Variants in FDFT1 observed in about 807,000 individuals in gnomAD.
The protein encoded by FDFT1 is farnesyl-diphosphate farnesyltransferase 1.
FDFT1 carries 68 observed loss-of-function variants against 46.8 expected under a neutral mutation model. That is an observed-to-expected ratio of 1.45 (90% CI 1.19 to 1.78). The LOEUF is 1.78. FDFT1 is among the 40% of genes most tolerant of loss of function. The pLI is 0.00. For synonymous variants in FDFT1, 351 were observed against 185.1 expected, an observed-to-expected ratio of 1.90 and a Z score of -7.28; for missense variants, 928 against 524.4, an observed-to-expected ratio of 1.77 and a Z score of -7.52.
At chr8:11,797,443 G>C (rs2686188), upstream of FDFT1, among the ~76,000 whole-genome samples, 132,252 of 152,020 alleles carry the variant, frequency 0.87, 58,179 homozygotes, top group East Asian at 1. Context: ...AGCTCCTTGG[G>C]TGTGGAACCT....
chr8:11,807,045 C>G (rs1320475964), intron 1 of FDFT1, among the ~76,000 whole-genome samples: 2 of 151,844 alleles, frequency 1.3e-5, no homozygotes, highest in African/African-American at 4.8e-5. Context: ...CAACATAGTT[C>G]ACTTAAACCT....
intron 1 of FDFT1, among the ~76,000 whole-genome samples, chr8:11,796,503 G>C (rs1338833501): frequency 6.6e-6 from 1 of 152,196 alleles, no homozygotes; most frequent in Non-Finnish European, 1.5e-5. Context: ...TCTTGATTCG[G>C]AGCTTGCTGT....
intron 3 of FDFT1, among the ~76,000 whole-genome samples, chr8:11,812,555 T>G (rs1415315222): frequency 6.6e-6 from 1 of 152,246 alleles, no homozygotes; most frequent in African/African-American, 2.4e-5. Context: ...GACTAAGAAT[T>G]CTAAATTCAA....
chr8:11,808,994 C>A, intron 2 of FDFT1, 103 bp downstream of exon 2: 1 of 1,500,430 alleles, frequency 6.7e-7, no homozygotes, highest in Non-Finnish European at 9.0e-7. Context: ...GTTGCAGCCT[C>A]GTTGCTGTGG....
intron 3 of FDFT1, among the ~76,000 whole-genome samples, chr8:11,818,747 C>G (rs1160110332): frequency 1.3e-5 from 2 of 152,004 alleles, no homozygotes; most frequent in African/African-American, 2.4e-5. Flanking sequence ...CTATGTGCAT[C>G]TCTGCACGTG....
intron 7 of FDFT1, among the ~76,000 whole-genome samples, chr8:11,835,482 A>G (rs780983064): frequency 2.6e-5 from 4 of 152,214 alleles, no homozygotes; most frequent in Non-Finnish European, 5.9e-5. Context: ...GGGGACTGTC[A>G]CAACCAAGAT....
At chr8:11,816,089 A>C (rs559466827) in intron 3 of FDFT1, among the ~76,000 whole-genome samples, 1 of 152,200 alleles carries the variant, frequency 6.6e-6, no homozygotes, top group African/African-American at 2.4e-5. Context: ...TACATATGGC[A>C]AGCCAGGTTT....
chr8:11,813,914 G>T lies in FDFT1; in HGVS notation c.381+4064G>T, dbSNP rs1808083290. On this transcript the variant is annotated intron_variant, in intron 3 of 7. Transcript: ENST00000220584. ...GTCAGGAAAGCCCTGTCCATCCTCTGGGTTTCTGGGGAAAACGTGGACCCC... is the reference window on the plus strand; with the variant it reads ...GTCAGGAAAGCCCTGTCCATCCTCTTGGTTTCTGGGGAAAACGTGGACCCC... Among the ~76,000 whole-genome samples the T allele has an allele frequency of 2.0e-5, 3 of 152,148 alleles. No homozygotes were observed. The South Asian group carries it at 6.2e-4, about 32-fold the overall frequency.
chr8:11,814,700 A>T (rs900704519), intron 3 of FDFT1, among the ~76,000 whole-genome samples: 1 of 152,246 alleles, frequency 6.6e-6, no homozygotes, highest in Non-Finnish European at 1.5e-5. Flanking sequence ...TGGAAAAAGT[A>T]TTGGGCAGCA....
chr8:11,835,712 A>C (rs953728635), intron 7 of FDFT1, among the ~76,000 whole-genome samples: 1 of 152,192 alleles, frequency 6.6e-6, no homozygotes, highest in Non-Finnish European at 1.5e-5. Flanking sequence ...AAAATGAAGA[A>C]ATAAAGTCAT....
chr8:11,814,397 C>T (rs577832563), intron 3 of FDFT1, among the ~76,000 whole-genome samples: 31 of 151,450 alleles, frequency 2.0e-4, no homozygotes, highest in South Asian at 1.0e-3. Flanking sequence ...TGCAATCAGC[C>T]GGCCACCTGG....
In FDFT1 at chr8:11,838,417, A is replaced by C; in HGVS notation, c.1062A>C (p.Pro354=). 6.2e-7 allele frequency: 1 copy of C among 1,613,352 alleles called. No homozygotes were observed. Among genetic ancestry groups the C allele is most frequent in the Non-Finnish European group, 8.5e-7 (1 of 1,179,710 alleles). ...ATCATAGAATCCCCGACTCAGACCC[A>C]TCTTCTAGCAAAACAAGGCAGATCA... ...EIYHRIPDSD[P]SSSKTRQIIS... is the part of the protein sequence containing the mutation. Residue 354 remains proline (P), a synonymous_variant, in exon 8 of 8, where the codon CCA becomes CCC. Transcript: ENST00000220584.
In FDFT1 at chr8:11,809,695, CTCCGA is replaced by C; in HGVS notation, c.227_231del (p.Leu76ArgfsTer8). On this transcript the variant is annotated frameshift_variant, in exon 3 of 8. Transcript: ENST00000220584. LOFTEE classifies it high-confidence loss of function. ...CGCAGTGTGCATATTTTATCTGGTT[CTCCGA>C]GCTCTGGACACACTGGAAGATGACA... The C allele has an allele frequency of 1.2e-6, 2 of 1,613,350 alleles. No individual in the cohort carries two copies. The highest frequency in any genetic ancestry group is 1.7e-6 in the Non-Finnish European group (2 of 1,179,712).
At chr8:11,833,736 G>C (rs1047833106) in intron 7 of FDFT1, among the ~76,000 whole-genome samples, 5 of 152,162 alleles carry the variant, frequency 3.3e-5, no homozygotes, top group African/African-American at 1.2e-4. Flanking sequence ...CGGCCGAGTT[G>C]AGGAGCTGCA....
chr8:11,826,168 G>A lies in FDFT1; in HGVS notation c.655G>A (p.Asp219Asn). 1 of 1,593,594 alleles carries A rather than the reference G, an allele frequency of 6.3e-7. No homozygotes were observed. Among genetic ancestry groups the A allele is most frequent in the Non-Finnish European group, 8.6e-7 (1 of 1,164,752 alleles). The change falls in exon 5 of 8, where the codon GAC (aspartate) becomes AAC (asparagine). Residue 219 changes from aspartate (D) to asparagine (N), a missense_variant. Coordinates refer to ENST00000220584, the MANE Select transcript of FDFT1 (RefSeq NM_004462.5). ...LFLQKTNIIR[D>N]YLEDQQGGRE... is the part of the protein sequence containing the mutation. ...TTTGCAGAAAACAAACATCATCCGTGACTATCTGGAAGACCAGCAAGGAGG... is the reference window on the plus strand; with the variant it reads ...TTTGCAGAAAACAAACATCATCCGTAACTATCTGGAAGACCAGCAAGGAGG...
At chr8:11,803,783 A>G (rs912717424) in intron 1 of FDFT1, 3 of 175,302 alleles carry the variant, frequency 1.7e-5, no homozygotes, top group Admixed American at 5.6e-5. Context: ...TTCAGTGTCC[A>G]TGTGCTTCAG....
Position 11,802,812 on chromosome 8 carries a change from G to C in FDFT1, c.-21G>C. On this transcript the variant is annotated 5_prime_UTR_variant, in exon 1 of 8. Transcript: ENST00000220584. ...CCGCAGAGGTGAGAGTCGCGCCCGG[G>C]AGTCCGCCGCCTGCGCCAGGATGGA... 1 of 1,591,606 alleles carries C rather than the reference G, an allele frequency of 6.3e-7. No individual in the cohort carries two copies. The highest frequency in any genetic ancestry group is 8.6e-7 in the Non-Finnish European group (1 of 1,166,112).
intron 4 of FDFT1, among the ~76,000 whole-genome samples, chr8:11,822,823 ATAAAGT>A (rs909703000): frequency 8.5e-5 from 13 of 152,212 alleles, no homozygotes; most frequent in African/African-American, 2.9e-4. Context: ...CTGAAAGAAA[ATAAAGT>A]TGAAGTTAAA....
chr8:11,806,916 C>T (rs948793152), intron 1 of FDFT1, among the ~76,000 whole-genome samples: 186 of 152,226 alleles, frequency 1.2e-3, no homozygotes, highest in African/African-American at 4.4e-3. Flanking sequence ...CCAGTAAATA[C>T]TTGTTTTTAC....
Sources: allele counts gnomAD v4.1 joint callset (sites outside exome capture counted in the v4.1 genomes callset), GRCh38; gene constraint gnomAD v4.1.1; transcripts MANE v1.5; gene names NCBI Gene and HGNC (gene_info 2026-07-23, HGNC 2026-07-21).